CAPN13: variants seen among roughly 807,000 people sequenced by gnomAD.
CAPN13 encodes the protein calpain 13.
CAPN13 carries 90 observed loss-of-function variants against 98.4 expected under a neutral mutation model. The observed-to-expected ratio is 0.92, with a 90% CI of 0.77 to 1.09. The LOEUF (loss-of-function observed/expected upper bound fraction) is 1.09. CAPN13 is among the 50% of genes least tolerant of loss of function. The pLI, the probability that CAPN13 is intolerant of heterozygous loss-of-function variation, is 0.00. For missense variants in CAPN13, 887 were observed against 841.3 expected, an observed-to-expected ratio of 1.05 and a Z score of -0.67; for synonymous variants, 330 against 305.5, an observed-to-expected ratio of 1.08 and a Z score of -0.84.
In CAPN13 at chr2:30,741,891, G is replaced by C; in HGVS notation, c.1536+17C>G. The stretch of plus-strand genomic sequence containing the variant: ...TCTCCAATCCCACGTAAGGCCCCTG[G>C]GTGCTAGGTACCATACCTGCTGAGC... On this transcript the variant is annotated intron_variant, in intron 15 of 22. Coordinates refer to ENST00000295055, the MANE Select transcript of CAPN13 (RefSeq NM_144575.3). 1 of 1,613,898 alleles carries C rather than the reference G, an allele frequency of 6.2e-7. No individual in the cohort carries two copies. The highest frequency in any genetic ancestry group is 1.1e-5 in the South Asian group (1 of 91,072).
Position 30,734,180 on chromosome 2 carries a change from G to A in CAPN13, c.1798+269C>T, listed in dbSNP as rs535100431. On this transcript the variant is annotated intron_variant, in intron 19 of 22. Coordinates refer to ENST00000295055, the MANE Select transcript of CAPN13 (RefSeq NM_144575.3). Reference sequence around the variant, plus strand: ...CCTGATAGGGTATCAATCACGCAACGGCTATTTTCTCACAATTAGAGCTGT... The same window carrying A: ...CCTGATAGGGTATCAATCACGCAACAGCTATTTTCTCACAATTAGAGCTGT... 6.0e-4 allele frequency among the ~76,000 whole-genome samples: 92 copies of A among 152,326 alleles called. 1 individual carries two copies. Among genetic ancestry groups the A allele is most frequent in the African/African-American group, 2.0e-3 (85 of 41,578 alleles).
chr2:30,785,464 A>T (rs1674224374), intron 2 of CAPN13, among the ~76,000 whole-genome samples: 1 of 152,208 alleles, frequency 6.6e-6, no homozygotes, highest in Admixed American at 6.5e-5. Context: ...CCCTGTCCCC[A>T]GTCCCCCCAG....
chr2:30,738,804 T>G (rs1393451564), intron 15 of CAPN13, among the ~76,000 whole-genome samples: 1 of 152,198 alleles, frequency 6.6e-6, no homozygotes. Context: ...AACTCAACCC[T>G]TTAGATGTGT....
At chr2:30,749,758 C>CAT (rs60853465) in intron 11 of CAPN13, among the ~76,000 whole-genome samples, 79,500 of 151,556 alleles carry the variant, frequency 0.52, 22,358 homozygotes, top group African/African-American at 0.74. Flanking sequence ...AGGATCCCAG[C>CAT]GTGTGCATGA....
intron 2 of CAPN13, among the ~76,000 whole-genome samples, chr2:30,785,388 T>C (rs1674219539): frequency 6.6e-6 from 1 of 152,204 alleles, no homozygotes. Flanking sequence ...AGGTAAGTCT[T>C]GTCAACTGTG....
chr2:30,743,601 TG>T, intron 12 of CAPN13, 22 bp from the exon 13 acceptor site: 1 of 1,612,738 alleles, frequency 6.2e-7, no homozygotes, highest in Non-Finnish European at 8.5e-7. Context: ...GGAAACACAA[TG>T]ATTGTGAGAA....
At chr2:30,799,271 G>C (rs1675046199) in intron 1 of CAPN13, among the ~76,000 whole-genome samples, 1 of 152,216 alleles carries the variant, frequency 6.6e-6, no homozygotes, top group African/African-American at 2.4e-5. Context: ...GAACATGTGA[G>C]TATTTCTCAA....
Position 30,787,230 on chromosome 2 carries a change from G to T in CAPN13, c.96C>A (p.Gly32=). The T allele has an allele frequency of 6.2e-7, 1 of 1,612,068 alleles. No individual in the cohort carries two copies. The highest frequency in any genetic ancestry group is 1.3e-5 in the African/African-American group (1 of 75,034). ...TTLRDHCLSM[G]RTFKDETFPA... ...GGAATGTCTCATCCTTAAACGTCCG[G>T]CCCATGCTCAGGCAGTGATCCCGCA... is the stretch of plus-strand genomic sequence containing the variant. Residue 32 remains glycine, a synonymous_variant, in exon 2 of 23, where the codon GGC becomes GGA. Transcript: ENST00000295055.
intron 1 of CAPN13, among the ~76,000 whole-genome samples, chr2:30,806,742 G>A (rs1366784738): frequency 6.6e-6 from 1 of 152,192 alleles, no homozygotes; most frequent in Non-Finnish European, 1.5e-5. Context: ...ACCACTAGAG[G>A]CATATAGGAA....
intron 18 of CAPN13, among the ~76,000 whole-genome samples, chr2:30,735,209 T>A (rs1303014051): frequency 6.6e-6 from 1 of 152,156 alleles, no homozygotes; most frequent in African/African-American, 2.4e-5. Context: ...ATAATCCTGG[T>A]CAACATCGTA....
At chr2:30,728,813 G>A (rs149950557) in intron 22 of CAPN13, among the ~76,000 whole-genome samples, 1 of 152,326 alleles carries the variant, frequency 6.6e-6, no homozygotes, top group East Asian at 1.9e-4. Context: ...AAATCAGATA[G>A]GGAGGCCATG....
intron 12 of CAPN13, among the ~76,000 whole-genome samples, 184 bp downstream of exon 12, chr2:30,745,539 C>G (rs1440030875): frequency 6.6e-6 from 1 of 152,204 alleles, no homozygotes; most frequent in Non-Finnish European, 1.5e-5. Context: ...CAGACCAGGA[C>G]ACCTAACTAT....
At chr2:30,803,303 G>A (rs186591715) in intron 1 of CAPN13, among the ~76,000 whole-genome samples, 222 of 152,270 alleles carry the variant, frequency 1.5e-3, no homozygotes, top group Non-Finnish European at 2.5e-3. Context: ...TGCATCTCCC[G>A]AAGGCAGTGT....
chr2:30,758,366 T>C (rs1234065356), intron 7 of CAPN13, among the ~76,000 whole-genome samples: 2 of 152,226 alleles, frequency 1.3e-5, no homozygotes, highest in Non-Finnish European at 2.9e-5. Flanking sequence ...CTCAGCCCCT[T>C]GCAAGGGCAG....
chr2:30,784,970 C>A (rs13001320), intron 2 of CAPN13, among the ~76,000 whole-genome samples: 566 of 152,306 alleles, frequency 3.7e-3, no homozygotes, highest in Non-Finnish European at 5.9e-3. Context: ...GCAGTCACAG[C>A]TGTACACTGT....
intron 4 of CAPN13, among the ~76,000 whole-genome samples, chr2:30,771,087 A>G (rs1673385625): frequency 6.6e-6 from 1 of 152,236 alleles, no homozygotes. Context: ...ACTGGCTGGC[A>G]TCGCTACTGC....
At position 30,763,158 on chromosome 2, in the gene CAPN13, T is replaced by C. The variant is rs536478744; in HGVS notation, c.700-2A>G. 9.0e-5 allele frequency: 145 copies of C among 1,610,100 alleles called. No individual in the cohort carries two copies. In the East Asian group the frequency reaches 3.0e-3, roughly 33 times the overall value. ...CATCGCCTGTGCTGTATCTGTTGGCTTCAAGGCAGAAAAGCAGATCAAACA... is the reference window on the plus strand; with the variant it reads ...CATCGCCTGTGCTGTATCTGTTGGCCTCAAGGCAGAAAAGCAGATCAAACA... On this transcript the variant is annotated splice_acceptor_variant, in intron 6 of 22. Transcript: ENST00000295055. LOFTEE classifies it high-confidence loss of function.
chr2:30,769,495 A>C (rs1398665416), intron 5 of CAPN13, among the ~76,000 whole-genome samples: 4 of 152,184 alleles, frequency 2.6e-5, no homozygotes, highest in African/African-American at 9.6e-5. Flanking sequence ...GGTGTTTAGG[A>C]CAGTGCCCTC....
chr2:30,803,507 A>G (rs1266879258), intron 1 of CAPN13, among the ~76,000 whole-genome samples: 1 of 152,176 alleles, frequency 6.6e-6, no homozygotes, highest in Non-Finnish European at 1.5e-5. Context: ...TTTCAGAGGG[A>G]AAGGAAACAA....
Sources: allele counts gnomAD v4.1 joint callset (sites outside exome capture counted in the v4.1 genomes callset), GRCh38; gene constraint gnomAD v4.1.1; transcripts MANE v1.5; gene names NCBI Gene and HGNC (gene_info 2026-07-23, HGNC 2026-07-21).